Variants in GRAMD2B observed in about 807,000 individuals in gnomAD.
GRAMD2B encodes GRAM domain containing 2B.
GRAMD2B carries 41 observed loss-of-function variants against 59.2 expected under a neutral mutation model. That is an observed-to-expected ratio of 0.69 (90% CI 0.54 to 0.90). The LOEUF (loss-of-function observed/expected upper bound fraction) is 0.90. Among genes scored for constraint, GRAMD2B ranks in the 40% least tolerant of loss-of-function variants. The pLI, the probability that GRAMD2B is intolerant of heterozygous loss-of-function variation, is 0.00. For missense variants in GRAMD2B, 424 were observed against 500.5 expected (o/e 0.85, Z 1.46); for synonymous variants, 161 against 182.7 (o/e 0.88, Z 0.96).
rs577056732 is a variant in GRAMD2B at position 126,452,877 on chromosome 5, T to C, written c.84-12549T>C. ...AAAATTTCAGTTTCTCTAAGTATGT[T>C]TTTCTGGACTTTATGCCCTATTCTT... is the stretch of plus-strand genomic sequence containing the variant. On this transcript the variant is annotated intron_variant, in intron 1 of 13. Transcript: ENST00000285689. 2.0e-5 allele frequency among the ~76,000 whole-genome samples: 3 copies of C among 152,340 alleles called. No homozygotes were observed. The South Asian group carries it at 6.2e-4, about 32-fold the overall frequency.
At chr5:126,491,723 T>A (rs1386467042) in intron 13 of GRAMD2B, among the ~76,000 whole-genome samples, 3 of 151,298 alleles carry the variant, frequency 2.0e-5, no homozygotes, top group Non-Finnish European at 4.4e-5. Flanking sequence ...TCTGAATTCT[T>A]TTTTTTTTCC....
chr5:126,364,695 T>C (rs561794525), intron 1 of GRAMD2B, among the ~76,000 whole-genome samples: 22 of 152,352 alleles, frequency 1.4e-4, no homozygotes, highest in Middle Eastern at 3.4e-3. Context: ...GATAGATCTA[T>C]AACAGGAAGT....
At position 126,373,373 on chromosome 5, in the gene GRAMD2B, T is replaced by G. The variant is rs944144731; in HGVS notation, c.125+1806T>G. The stretch of plus-strand genomic sequence containing the variant: ...TAAGTATTGAGAATTTATGTGGCTG[T>G]TTTAGTATCACATTATCCTTTCAGT... On this transcript the variant is annotated intron_variant, in intron 1 of 8. Coordinates refer to the GRAMD2B transcript ENST00000506445. Among the ~76,000 whole-genome samples the G allele has an allele frequency of 9.8e-5, 15 of 152,356 alleles. No homozygotes were observed. In the East Asian group the frequency reaches 2.9e-3, roughly 29 times the overall value.
At chr5:126,414,915 A>G (rs1759131204) in intron 1 of GRAMD2B, among the ~76,000 whole-genome samples, 1 of 152,192 alleles carries the variant, frequency 6.6e-6, no homozygotes, top group African/African-American at 2.4e-5. Context: ...TGGTTTATAC[A>G]ACATTTCTAT....
Position 126,465,519 on chromosome 5 carries a change from A to G in GRAMD2B, c.177A>G (p.Pro59=), listed in dbSNP as rs1338408680. Residue 59 remains proline, a synonymous_variant, in exon 2 of 14, where the codon CCA becomes CCG. Transcript: ENST00000285689. ...SPTPSVEADS[P]DQKKIISLWS... is the part of the protein sequence containing the mutation. ...CCCCATCTGTGGAGGCGGACTCCCC[A>G]GACCAGAAGAAAATCATTAGCCTAT... 1 of 1,613,988 alleles carries G rather than the reference A, an allele frequency of 6.2e-7. No homozygotes were observed. Among genetic ancestry groups the G allele is most frequent in the Non-Finnish European group, 8.5e-7 (1 of 1,179,980 alleles).
chr5:126,465,471 G>T lies in GRAMD2B; in HGVS notation c.129G>T (p.Arg43Ser). Residue 43 changes from arginine (R) to serine (S), a missense_variant, in exon 2 of 14, where the codon AGG becomes AGT. Arg to Ser is a moderately radical substitution (Grantham distance 110). Coordinates refer to ENST00000285689, the MANE Select transcript of GRAMD2B (RefSeq NM_023927.4). Reference protein sequence around the residue: ...NGVEEKKKACRSPTAQSPTPS... With the variant: ...NGVEEKKKACSSPTAQSPTPS... ...TGGAGGAGAAAAAGAAAGCCTGCAG[G>T]TCGCCAACAGCCCAATCCCCTACCC... 1 of 1,614,134 alleles carries T rather than the reference G, an allele frequency of 6.2e-7. No individual in the cohort carries two copies. Among genetic ancestry groups the T allele is most frequent in the Middle Eastern group, 1.6e-4 (1 of 6,062 alleles).
intron 1 of GRAMD2B, among the ~76,000 whole-genome samples, chr5:126,430,203 G>A (rs12517603): frequency 0.21 from 31,465 of 152,030 alleles, 3,975 homozygotes; most frequent in Middle Eastern, 0.32. Context: ...ACCTTGAGAA[G>A]AGAAGCAGAA....
chr5:126,385,141 A>T (rs1756010367), intron 1 of GRAMD2B, among the ~76,000 whole-genome samples: 1 of 152,166 alleles, frequency 6.6e-6, no homozygotes, highest in African/African-American at 2.4e-5. Context: ...AGCTCAGCAG[A>T]ACATTCAGGG....
intron 3 of GRAMD2B, among the ~76,000 whole-genome samples, chr5:126,471,834 G>A (rs987423143): frequency 1.3e-5 from 2 of 152,104 alleles, no homozygotes; most frequent in African/African-American, 4.8e-5. Flanking sequence ...CTTCAACTCA[G>A]GTTTACCTGA....
At chr5:126,387,399 G>C (rs528088835) in intron 1 of GRAMD2B, among the ~76,000 whole-genome samples, 8 of 151,858 alleles carry the variant, frequency 5.3e-5, no homozygotes, top group Non-Finnish European at 1.2e-4. Flanking sequence ...TCAGGAATTT[G>C]AGAACTGTGC....
chr5:126,403,209 C>T (rs1296897916), intron 1 of GRAMD2B, among the ~76,000 whole-genome samples: 1 of 151,890 alleles, frequency 6.6e-6, no homozygotes, highest in Non-Finnish European at 1.5e-5. Flanking sequence ...GTACCTTCTC[C>T]ACATAAACAA....
intron 1 of GRAMD2B, among the ~76,000 whole-genome samples, chr5:126,449,367 C>A (rs1037443699): frequency 1.3e-5 from 2 of 152,094 alleles, no homozygotes; most frequent in African/African-American, 4.8e-5. Context: ...TACATAATAA[C>A]AATATGGAAT....
intron 3 of GRAMD2B, 105 bp from the exon 4 acceptor site, chr5:126,472,133 C>A: frequency 1.2e-6 from 1 of 815,622 alleles, no homozygotes; most frequent in Admixed American, 1.9e-5. Context: ...AGAAGGAATT[C>A]CTAAAGATAC....
chr5:126,393,860 C>T (rs1364672760), intron 1 of GRAMD2B, among the ~76,000 whole-genome samples: 1 of 152,166 alleles, frequency 6.6e-6, no homozygotes, highest in Non-Finnish European at 1.5e-5. Flanking sequence ...TAATCCCACA[C>T]AGACCAGGCC....
At chr5:126,390,665 A>C (rs1756647897) in intron 1 of GRAMD2B, among the ~76,000 whole-genome samples, 1 of 152,228 alleles carries the variant, frequency 6.6e-6, no homozygotes. Flanking sequence ...TGCAGCTGGA[A>C]GAGTGATAAC....
Position 126,439,328 on chromosome 5 carries a change from C to CTTTTTTTT in GRAMD2B, c.83+15649_83+15656dup, listed in dbSNP as rs930960414. Among the ~76,000 whole-genome samples, 15 of 122,540 alleles carry CTTTTTTTT rather than the reference C, an allele frequency of 1.2e-4. 1 individual carries two copies. Among genetic ancestry groups the CTTTTTTTT allele is most frequent in the African/African-American group, 4.8e-4 (14 of 29,256 alleles). 80.4% of individuals were successfully genotyped at this position (122,540 alleles called of 152,430 possible). The stretch of plus-strand genomic sequence containing the variant: ...ATTGTTTCTTTGTTTTTTGGTTTTG[C>CTTTTTTTT]TTTTTTTTTTTTTTTTTGGAGACAG... On this transcript the variant is annotated intron_variant, in intron 1 of 13. Transcript: ENST00000285689.
chr5:126,364,398 A>T (rs1754349895), intron 1 of GRAMD2B, among the ~76,000 whole-genome samples: 1 of 152,240 alleles, frequency 6.6e-6, no homozygotes, highest in Admixed American at 6.5e-5. Flanking sequence ...TAACACAGCT[A>T]ATGCCTCAGA....
intron 1 of GRAMD2B, chr5:126,433,863 A>G (rs1057244599): frequency 4.6e-5 from 7 of 152,240 alleles, no homozygotes; most frequent in African/African-American, 1.7e-4. Flanking sequence ...TTTTCCAACA[A>G]TGCAGCAATT....
chr5:126,471,971 G>C (rs1340429707), intron 3 of GRAMD2B, among the ~76,000 whole-genome samples: 3 of 152,136 alleles, frequency 2.0e-5, no homozygotes. Context: ...GGACATCCTT[G>C]TCCAGCCCTG....
Sources: allele counts gnomAD v4.1 joint callset (sites outside exome capture counted in the v4.1 genomes callset), GRCh38; gene constraint gnomAD v4.1.1; transcripts MANE v1.5; gene names NCBI Gene and HGNC (gene_info 2026-07-23, HGNC 2026-07-21).